The following USP15 variants were observed in gnomAD, a reference collection of about 807,000 sequenced individuals.
USP15 encodes the protein ubiquitin carboxyl-terminal hydrolase 15.
A neutral mutation model predicts 127.1 loss-of-function variants in USP15; 18 were observed. The observed-to-expected ratio is 0.14, with a 90% confidence interval of 0.10 to 0.21. The LOEUF is 0.21. USP15 is among the 10% of genes least tolerant of loss of function. The probability of loss-of-function intolerance (pLI) is 1.00; values close to 1 mark genes in which losing one functional copy is unlikely to be tolerated. For missense variants in USP15, 805 were observed against 1,159.9 expected, an observed-to-expected ratio of 0.69 and a Z score of 4.44; for synonymous variants, 364 against 393.7, an observed-to-expected ratio of 0.92 and a Z score of 0.89.
intron 8 of USP15, among the ~76,000 whole-genome samples, chr12:62,366,434 G>A (rs2066479141): frequency 6.6e-6 from 1 of 152,086 alleles, no homozygotes; most frequent in African/African-American, 2.4e-5. Flanking sequence ...TGCTTATCAG[G>A]TTAAGGAGAT....
At chr12:62,297,349 C>G (rs2064161437) in intron 2 of USP15, among the ~76,000 whole-genome samples, 1 of 151,952 alleles carries the variant, frequency 6.6e-6, no homozygotes, top group Non-Finnish European at 1.5e-5. Context: ...GCTTGAAGGA[C>G]TGACTTCTGT....
At position 62,413,509 on chromosome 12, in the gene USP15, A is replaced by G. The variant is rs922349982; in HGVS notation, c.*9134A>G. 6.6e-6 allele frequency: 1 copy of G among 152,186 alleles called. No individual in the cohort carries two copies. The highest frequency in any genetic ancestry group is 2.1e-4 in the South Asian group (1 of 4,836). 9.4% of individuals were successfully genotyped at this position (152,186 alleles called of 1,614,324 possible). A position where few individuals can be genotyped will look rare whatever the true frequency, so the allele number is the denominator to read the frequency against. ...CTAGATCTTCTGGATAACTTGCTGT[A>G]GTTTCTACTTTAGCAGTTGCTGCTT... On this transcript the variant is annotated 3_prime_UTR_variant, in exon 22 of 22. Coordinates refer to ENST00000280377, the MANE Select transcript of USP15 (RefSeq NM_001252078.2).
At chr12:62,294,619 AAAT>A (rs764846129) in intron 2 of USP15, 162 of 181,224 alleles carry the variant, frequency 8.9e-4, no homozygotes, top group Non-Finnish European at 1.5e-3. Flanking sequence ...ATTTATTACT[AAAT>A]AATAAGACTC....
intron 2 of USP15, 72 bp from the exon 3 acceptor site, chr12:62,302,718 A>T: frequency 6.8e-7 from 1 of 1,463,056 alleles, no homozygotes; most frequent in Non-Finnish European, 9.2e-7. Context: ...ATTAGCCTTC[A>T]TGAGTTTAAT....
intron 6 of USP15, among the ~76,000 whole-genome samples, chr12:62,330,125 T>G (rs1256861479): frequency 6.6e-6 from 1 of 151,852 alleles, no homozygotes; most frequent in Non-Finnish European, 1.5e-5. Flanking sequence ...TCATAAATAT[T>G]TAAGAAAATA....
At chr12:62,378,241 A>G (rs886317164) in intron 8 of USP15, among the ~76,000 whole-genome samples, 1 of 152,040 alleles carries the variant, frequency 6.6e-6, no homozygotes, top group Admixed American at 6.6e-5. Flanking sequence ...TTGACTCCTA[A>G]TGGTATTTTC....
intron 6 of USP15, chr12:62,335,350 A>G (rs1422935806): frequency 2.8e-6 from 4 of 1,436,858 alleles, no homozygotes; most frequent in East Asian, 5.0e-5. Context: ...CGGAATCAGA[A>G]GAGATAAATG....
chr12:62,355,259 G>A, intron 7 of USP15, 72 bp from the exon 8 acceptor site: 1 of 1,287,638 alleles, frequency 7.8e-7, no homozygotes, highest in Non-Finnish European at 1.0e-6. Context: ...TCATAAATAG[G>A]CCTAAAGTAC....
In USP15 at chr12:62,270,602, CTA is replaced by C. The variant is rs2063325694; in HGVS notation, c.89+10101_89+10102del. Among the ~76,000 whole-genome samples the C allele has an allele frequency of 2.0e-5, 3 of 152,190 alleles. No homozygotes were observed. The South Asian group carries it at 6.2e-4, about 32-fold the overall frequency. On this transcript the variant is annotated intron_variant, in intron 1 of 21. Coordinates refer to ENST00000280377, the MANE Select transcript of USP15 (RefSeq NM_001252078.2). ...ATGTGGTTATCCAGTTGTCCCAAAA[CTA>C]TTTGTCAAAAAGATCATTCTTTTCC...
rs920999338 is a variant in USP15, at chr12:62,262,091, T to A, written c.89+1588T>A. Among the ~76,000 whole-genome samples, 4 of 151,954 alleles carry A rather than the reference T, an allele frequency of 2.6e-5. No individual in the cohort carries two copies. The Middle Eastern group carries it at 0.01, about 388-fold the overall frequency. ...CCGTCTCTACAAAAATACAAAAAAA[T>A]TAGCTGGGCATGGTGGCACGCCTGT... On this transcript the variant is annotated intron_variant, in intron 1 of 21. Transcript: ENST00000280377.
chr12:62,408,570 A>T lies in USP15; in HGVS notation c.*4195A>T, dbSNP rs979060760. ...TTTTTACTTTACAAAAAAATAAAAA[A>T]TTTTTTGCTCTTTGAATAACTTAAC... On this transcript the variant is annotated 3_prime_UTR_variant, in exon 22 of 22. Coordinates refer to ENST00000280377, the MANE Select transcript of USP15 (RefSeq NM_001252078.2). 5 of 152,082 alleles carry T rather than the reference A, an allele frequency of 3.3e-5. No homozygotes were observed. Among genetic ancestry groups the T allele is most frequent in the Admixed American group, 1.3e-4 (2 of 15,252 alleles). 9.4% of individuals were successfully genotyped at this position (152,082 alleles called of 1,614,324 possible).
chr12:62,309,830 T>C (rs2064603361), intron 3 of USP15, among the ~76,000 whole-genome samples: 1 of 151,710 alleles, frequency 6.6e-6, no homozygotes, highest in Non-Finnish European at 1.5e-5. Flanking sequence ...TCAACATCCA[T>C]GTATGATCTT....
chr12:62,332,351 AATG>A (rs2065330268), intron 6 of USP15, among the ~76,000 whole-genome samples: 2 of 151,996 alleles, frequency 1.3e-5, no homozygotes, highest in Non-Finnish European at 2.9e-5. Context: ...GATCTTTTCT[AATG>A]ATACCTTAGA....
chr12:62,340,858 A>G (rs899704003), intron 6 of USP15, among the ~76,000 whole-genome samples: 2 of 151,836 alleles, frequency 1.3e-5, no homozygotes, highest in African/African-American at 4.8e-5. Flanking sequence ...TCTGTTGATT[A>G]GTGGTGAAGA....
At chr12:62,379,472 A>G (rs991181666) in intron 8 of USP15, among the ~76,000 whole-genome samples, 1 of 152,162 alleles carries the variant, frequency 6.6e-6, no homozygotes, top group African/African-American at 2.4e-5. Context: ...CACTCTGGAT[A>G]CTACTGGAAA....
intron 11 of USP15, among the ~76,000 whole-genome samples, chr12:62,388,966 A>G (rs2067239932): frequency 6.6e-6 from 1 of 152,144 alleles, no homozygotes; most frequent in Non-Finnish European, 1.5e-5. Context: ...TTGTCTCTAA[A>G]AAATAAAAAT....
chr12:62,279,807 G>C (rs2063598663), intron 1 of USP15, among the ~76,000 whole-genome samples: 1 of 152,124 alleles, frequency 6.6e-6, no homozygotes, highest in South Asian at 2.1e-4. Context: ...CTTTATGCAT[G>C]ATCTGTTGTG....
chr12:62,341,995 G>C (rs571350832), intron 6 of USP15, among the ~76,000 whole-genome samples: 1 of 152,102 alleles, frequency 6.6e-6, no homozygotes, highest in Non-Finnish European at 1.5e-5. Context: ...ACGTCTCTCT[G>C]AAGTGTGTTT....
At chr12:62,339,467 G>T (rs942485008) in intron 6 of USP15, among the ~76,000 whole-genome samples, 3 of 152,024 alleles carry the variant, frequency 2.0e-5, no homozygotes, top group Non-Finnish European at 4.4e-5. Context: ...GTCTTGTGCT[G>T]GTTTTCAGAG....
Sources: gnomAD v4.1 joint callset for allele counts (sites outside exome capture counted in the v4.1 genomes callset) on GRCh38, gnomAD v4.1.1 for gene constraint, MANE v1.5 for transcripts, NCBI Gene and HGNC (gene_info 2026-07-23, HGNC 2026-07-21) for gene names.